WWOX: variants seen among roughly 807,000 people sequenced by gnomAD.
The protein encoded by WWOX is WW domain-containing oxidoreductase.
WWOX carries 69 observed loss-of-function variants against 46.2 expected under a neutral mutation model. The ratio of observed to expected loss-of-function variants is 1.49; its 90% CI spans 1.23 to 1.82. The LOEUF (loss-of-function observed/expected upper bound fraction) is 1.82, where lower values mean the gene tolerates loss of function less well. Ranked by LOEUF, WWOX falls within the 40% of genes most tolerant of loss-of-function variation. The pLI is 0.00. For missense variants in WWOX, 919 were observed against 542.6 expected (o/e 1.69, Z -6.89); for synonymous variants, 359 against 202.6 (o/e 1.77, Z -6.56).
chr16:78,673,356 T>G (rs1369860777), intron 8 of WWOX, among the ~76,000 whole-genome samples: 1 of 152,178 alleles, frequency 6.6e-6, no homozygotes, highest in African/African-American at 2.4e-5. Context: ...GCTAGGAAAC[T>G]CTTCGCCTCT....
intron 8 of WWOX, among the ~76,000 whole-genome samples, chr16:79,135,196 A>C (rs1317849764): frequency 2.0e-5 from 3 of 152,202 alleles, no homozygotes; most frequent in Non-Finnish European, 4.4e-5. Context: ...TTGCTAGAAA[A>C]AAATATTTAT....
At chr16:78,519,762 G>C (rs762352489) in intron 8 of WWOX, among the ~76,000 whole-genome samples, 5 of 152,054 alleles carry the variant, frequency 3.3e-5, no homozygotes, top group Non-Finnish European at 5.9e-5. Context: ...CCACAAGCAG[G>C]TGCCATCTAT....
intron 8 of WWOX, among the ~76,000 whole-genome samples, chr16:78,682,611 G>T (rs1382528496): frequency 1.3e-5 from 2 of 152,100 alleles, no homozygotes; most frequent in Admixed American, 1.3e-4. Context: ...ACATGTGGTG[G>T]TTCACCCCTG....
intron 8 of WWOX, among the ~76,000 whole-genome samples, chr16:79,102,420 G>A (rs2049219786): frequency 6.6e-6 from 1 of 152,070 alleles, no homozygotes; most frequent in African/African-American, 2.4e-5. Flanking sequence ...TTATTGAGCT[G>A]GTGTGTGCTA....
chr16:79,200,157 T>G (rs1487454319), intron 8 of WWOX, among the ~76,000 whole-genome samples: 1 of 152,204 alleles, frequency 6.6e-6, no homozygotes, highest in Non-Finnish European at 1.5e-5. Context: ...TGGTCTGTAC[T>G]GTTCAAAATC....
intron 8 of WWOX, among the ~76,000 whole-genome samples, chr16:78,754,848 T>G (rs1413845489): frequency 6.6e-6 from 1 of 152,182 alleles, no homozygotes; most frequent in Non-Finnish European, 1.5e-5. Context: ...CTACCTCAGC[T>G]GGTGGGTGAT....
intron 8 of WWOX, among the ~76,000 whole-genome samples, chr16:78,908,692 T>C (rs1164419267): frequency 2.6e-5 from 4 of 152,006 alleles, no homozygotes; most frequent in East Asian, 1.9e-4. Context: ...GGAGTATTGA[T>C]TGGTCAGGTT....
intron 8 of WWOX, among the ~76,000 whole-genome samples, chr16:78,506,055 A>G (rs2085195336): frequency 6.6e-6 from 1 of 152,168 alleles, no homozygotes; most frequent in Admixed American, 6.5e-5. Flanking sequence ...TCTGCTGAGT[A>G]TCGGATTGGT....
chr16:78,205,335 C>T (rs571248977), intron 5 of WWOX, among the ~76,000 whole-genome samples: 9 of 152,144 alleles, frequency 5.9e-5, no homozygotes, highest in Non-Finnish European at 1.2e-4. Flanking sequence ...AAAAACTCCA[C>T]GTATCCATAT....
intron 8 of WWOX, among the ~76,000 whole-genome samples, chr16:78,521,927 G>A (rs1046247204): frequency 2.6e-5 from 4 of 152,080 alleles, no homozygotes; most frequent in South Asian, 2.1e-4. Context: ...ATATTTTTGG[G>A]TACTGGAGAT....
In WWOX at chr16:78,414,379, G is replaced by A; in HGVS notation, c.606-10491G>A. 2.6e-5 allele frequency among the ~76,000 whole-genome samples: 4 copies of A among 152,238 alleles called. 2 individuals carry two copies. The highest frequency in any genetic ancestry group is 2.6e-4 in the Admixed American group (4 of 15,286). ...AGGTCAGGAGTTCAAGACCAGCCTGGCCAACGTGGTGAAACCCTGCATCTA... is the reference window on the plus strand; with the variant it reads ...AGGTCAGGAGTTCAAGACCAGCCTGACCAACGTGGTGAAACCCTGCATCTA... On this transcript the variant is annotated intron_variant, in intron 6 of 8. Transcript: ENST00000566780.
chr16:78,732,053 A>G lies in WWOX; in HGVS notation c.1056+299301A>G, dbSNP rs917321931. Among the ~76,000 whole-genome samples the G allele has an allele frequency of 2.0e-5, 3 of 151,884 alleles. No homozygotes were observed. In the East Asian group the frequency reaches 5.8e-4, roughly 29 times the overall value. On this transcript the variant is annotated intron_variant, in intron 8 of 8. Transcript: ENST00000566780. ...CAAACAAAACACTTTTTGTAGAGAAAGGGTCTTGCTATGTTGGTGAGGCTA... is the reference window on the plus strand; with the variant it reads ...CAAACAAAACACTTTTTGTAGAGAAGGGGTCTTGCTATGTTGGTGAGGCTA...
intron 5 of WWOX, among the ~76,000 whole-genome samples, chr16:78,300,061 C>T (rs1181182251): frequency 1.3e-5 from 2 of 152,118 alleles, no homozygotes; most frequent in African/African-American, 2.4e-5. Context: ...ATAAGAAGGA[C>T]AGTGCTTAAA....
chr16:78,970,983 A>G (rs2046457698), intron 8 of WWOX, among the ~76,000 whole-genome samples: 1 of 152,172 alleles, frequency 6.6e-6, no homozygotes, highest in Non-Finnish European at 1.5e-5. Context: ...AACAGCTGCC[A>G]GAAAATCCAG....
At chr16:78,999,517 A>G (rs540748946) in intron 8 of WWOX, among the ~76,000 whole-genome samples, 5 of 152,346 alleles carry the variant, frequency 3.3e-5, no homozygotes, top group African/African-American at 1.2e-4. Flanking sequence ...ATGGTACAGA[A>G]AATGATCTGC....
chr16:78,680,419 A>G (rs1211748332), intron 8 of WWOX, among the ~76,000 whole-genome samples: 1 of 151,930 alleles, frequency 6.6e-6, no homozygotes, highest in East Asian at 1.9e-4. Context: ...CTGTAGTCCT[A>G]GCTACTCGGG....
chr16:78,423,483 G>T (rs1387206389), intron 6 of WWOX, among the ~76,000 whole-genome samples: 2 of 152,002 alleles, frequency 1.3e-5, no homozygotes, highest in Non-Finnish European at 2.9e-5. Flanking sequence ...AGTTCTTATT[G>T]GTACAGTATG....
intron 5 of WWOX, among the ~76,000 whole-genome samples, chr16:78,347,190 A>G (rs1453367270): frequency 4.3e-5 from 5 of 116,416 alleles, no homozygotes; most frequent in African/African-American, 1.5e-4. Flanking sequence ...CTTTCTAATT[A>G]TCTCCTTCCC....
chr16:78,938,571 G>A (rs940039316), intron 8 of WWOX, among the ~76,000 whole-genome samples: 2 of 151,956 alleles, frequency 1.3e-5, no homozygotes, highest in African/African-American at 4.8e-5. Flanking sequence ...TGTTAAATAC[G>A]GCAAATATTA....
Sources: allele counts gnomAD v4.1 joint callset (sites outside exome capture counted in the v4.1 genomes callset), GRCh38; gene constraint gnomAD v4.1.1; transcripts MANE v1.5; gene names NCBI Gene and HGNC (gene_info 2026-07-23, HGNC 2026-07-21).